GRIK2: variants seen among roughly 807,000 people sequenced by gnomAD.
The protein encoded by GRIK2 is glutamate ionotropic receptor kainate type subunit 2, also known as glutamate receptor ionotropic, kainate 2.
In GRIK2, 32 loss-of-function variants were observed where a neutral mutation model predicts 100.3. The observed-to-expected ratio is 0.32, with a 90% CI of 0.24 to 0.43. The LOEUF is 0.43. GRIK2 is among the 20% of genes least tolerant of loss of function. The probability of loss-of-function intolerance (pLI) is 1.00; values close to 1 mark genes in which losing one functional copy is unlikely to be tolerated. For missense variants in GRIK2, 843 were observed against 1,114.9 expected (o/e 0.76, Z 3.47); for synonymous variants, 417 against 389.4 (o/e 1.07, Z -0.83).
chr6:101,829,280 C>T (rs1198292250), intron 10 of GRIK2, among the ~76,000 whole-genome samples: 1 of 151,918 alleles, frequency 6.6e-6, no homozygotes, highest in Admixed American at 6.6e-5. Flanking sequence ...AAACCCACAG[C>T]CAACATCATA....
intron 7 of GRIK2, among the ~76,000 whole-genome samples, chr6:101,746,787 GCACACA>G (rs200640282): frequency 6.6e-6 from 1 of 150,914 alleles, no homozygotes; most frequent in South Asian, 2.1e-4. Flanking sequence ...ATATGTGTAT[GCACACA>G]CACACACATA....
At chr6:101,975,809 G>GTCTATCTGTCTA in intron 14 of GRIK2, among the ~76,000 whole-genome samples, 1 of 147,514 alleles carries the variant, frequency 6.8e-6, no homozygotes, top group South Asian at 2.2e-4. Context: ...CTATCTATCT[G>GTCTATCTGTCTA]TCTATCTATC....
At chr6:101,493,519 T>C (rs879481634) in intron 2 of GRIK2, among the ~76,000 whole-genome samples, 8 of 152,216 alleles carry the variant, frequency 5.3e-5, no homozygotes, top group Admixed American at 5.2e-4. Context: ...AAAATTATTT[T>C]TCAAAAACTT....
At chr6:101,677,159 T>A (rs950472897) in intron 5 of GRIK2, among the ~76,000 whole-genome samples, 1 of 152,088 alleles carries the variant, frequency 6.6e-6, no homozygotes, top group Non-Finnish European at 1.5e-5. Context: ...AATCAGCCAG[T>A]AGGAAAAAGA....
At chr6:101,424,413 T>C (rs1217772369) in intron 2 of GRIK2, among the ~76,000 whole-genome samples, 1 of 148,848 alleles carries the variant, frequency 6.7e-6, no homozygotes, top group Non-Finnish European at 1.5e-5. Flanking sequence ...AGTGAGAACA[T>C]GTGGTGTTTG....
intron 7 of GRIK2, among the ~76,000 whole-genome samples, chr6:101,781,564 TACAC>T (rs1270099601): frequency 6.6e-6 from 1 of 152,162 alleles, no homozygotes; most frequent in African/African-American, 2.4e-5. Context: ...TATGCATACA[TACAC>T]ACATACCCCT....
rs1424689560 is a variant in GRIK2 at position 101,701,307 on chromosome 6, G to A, written c.951+14954G>A. ...TGTCAAAGAATTACTGCATACTTTA[G>A]TGCCCTTGTTTCTCAGTAGTCATGC... On this transcript the variant is annotated intron_variant, in intron 7 of 16. Coordinates refer to ENST00000369134, the MANE Select transcript of GRIK2 (RefSeq NM_021956.5). Among the ~76,000 whole-genome samples the A allele has an allele frequency of 2.0e-5, 3 of 152,130 alleles. No individual in the cohort carries two copies. In the East Asian group the frequency reaches 5.8e-4, roughly 30 times the overall value.
intron 2 of GRIK2, among the ~76,000 whole-genome samples, chr6:101,514,967 G>A (rs1277425792): frequency 6.6e-6 from 1 of 151,916 alleles, no homozygotes; most frequent in Non-Finnish European, 1.5e-5. Flanking sequence ...TTTTTTATTG[G>A]TGATTTGCAA....
At chr6:101,621,799 T>G (rs1021531500) in intron 2 of GRIK2, 150 bp from the exon 3 acceptor site, 31 of 397,390 alleles carry the variant, frequency 7.8e-5, no homozygotes, top group Non-Finnish European at 1.4e-4. Flanking sequence ...AATCTCTCCC[T>G]CTCTCTCTCT....
At chr6:101,865,947 A>G (rs1223835508) in intron 11 of GRIK2, among the ~76,000 whole-genome samples, 1 of 151,942 alleles carries the variant, frequency 6.6e-6, no homozygotes, top group African/African-American at 2.4e-5. Flanking sequence ...ATTACAACCA[A>G]CAACAACAAA....
intron 9 of GRIK2, among the ~76,000 whole-genome samples, chr6:101,814,422 C>T (rs1182478343): frequency 4.0e-5 from 6 of 151,856 alleles, no homozygotes; most frequent in East Asian, 1.9e-4. Context: ...TGAGAGTTTA[C>T]GTAAAACAAA....
chr6:101,683,359 A>C (rs1160814411), intron 6 of GRIK2, among the ~76,000 whole-genome samples: 1 of 152,180 alleles, frequency 6.6e-6, no homozygotes, highest in South Asian at 2.1e-4. Context: ...ATTTTTTAAA[A>C]AGTCAATATA....
intron 2 of GRIK2, among the ~76,000 whole-genome samples, chr6:101,499,957 T>A (rs986467834): frequency 1.3e-5 from 2 of 152,116 alleles, no homozygotes; most frequent in African/African-American, 4.8e-5. Flanking sequence ...GCTATCCTTG[T>A]TTTTTTATGA....
intron 7 of GRIK2, among the ~76,000 whole-genome samples, chr6:101,752,160 A>C (rs1410164562): frequency 1.3e-5 from 2 of 152,182 alleles, no homozygotes; most frequent in Non-Finnish European, 2.9e-5. Context: ...TATCATTACA[A>C]ACTATAAATA....
chr6:101,584,848 C>A (rs200619221), intron 2 of GRIK2, among the ~76,000 whole-genome samples: 1 of 146,992 alleles, frequency 6.8e-6, no homozygotes, highest in Non-Finnish European at 1.5e-5. Flanking sequence ...ATCAAAAATG[C>A]AAAAATGCAA....
intron 2 of GRIK2, among the ~76,000 whole-genome samples, chr6:101,533,624 G>A (rs1446973883): frequency 6.6e-6 from 1 of 151,840 alleles, no homozygotes; most frequent in African/African-American, 2.4e-5. Context: ...TTTTGATGTA[G>A]CTGAGATGTC....
chr6:101,925,850 C>T (rs561192629), intron 13 of GRIK2, among the ~76,000 whole-genome samples: 3 of 151,936 alleles, frequency 2.0e-5, no homozygotes, highest in Admixed American at 6.6e-5. Context: ...TAATTTTATG[C>T]AGAAATGCAT....
intron 2 of GRIK2, among the ~76,000 whole-genome samples, chr6:101,445,349 A>G (rs1770318421): frequency 6.6e-6 from 1 of 151,312 alleles, no homozygotes; most frequent in Admixed American, 6.6e-5. Flanking sequence ...TTACTTGAAC[A>G]TATTCCATAT....
intron 2 of GRIK2, among the ~76,000 whole-genome samples, chr6:101,409,143 T>C (rs1775748095): frequency 6.7e-6 from 1 of 149,870 alleles, no homozygotes. Context: ...TGTGTGTGTG[T>C]GTGTGTGTGT....
Sources: allele counts gnomAD v4.1 joint callset (sites outside exome capture counted in the v4.1 genomes callset), GRCh38; gene constraint gnomAD v4.1.1; transcripts MANE v1.5; gene names NCBI Gene and HGNC (gene_info 2026-07-23, HGNC 2026-07-21).